LRCH3: variants seen among roughly 807,000 people sequenced by gnomAD.
LRCH3 encodes the protein leucine rich repeats and calponin homology domain containing 3, also known as DISP complex protein LRCH3.
In LRCH3, 68 loss-of-function variants were observed where a neutral mutation model predicts 104.5. That is an observed-to-expected ratio of 0.65 (90% CI 0.54 to 0.80). The LOEUF (loss-of-function observed/expected upper bound fraction) is 0.80. Among genes scored for constraint, LRCH3 ranks in the 30% least tolerant of loss-of-function variants. The pLI, the probability that LRCH3 is intolerant of heterozygous loss-of-function variation, is 0.00. For missense variants in LRCH3, 951 were observed against 953.9 expected (o/e 1.00, Z 0.04); for synonymous variants, 344 against 361.3 (o/e 0.95, Z 0.54).
At chr3:197,843,546 T>C (rs1044099908) in intron 10 of LRCH3, among the ~76,000 whole-genome samples, 3 of 152,110 alleles carry the variant, frequency 2.0e-5, no homozygotes, top group Non-Finnish European at 4.4e-5. Flanking sequence ...TAGTTGGGCG[T>C]GGTGGCATGC....
At chr3:197,858,797 T>C (rs781036480) in intron 14 of LRCH3, 37 bp from the exon 15 acceptor site, 27 of 1,538,758 alleles carry the variant, frequency 1.8e-5, no homozygotes, top group Non-Finnish European at 2.4e-5. Context: ...ACATAAATGC[T>C]GCCTTCTGTT....
Position 197,835,656 on chromosome 3 carries a change from T to C in LRCH3, c.1103-18T>C, listed in dbSNP as rs368019235. 250 of 1,603,728 alleles carry C rather than the reference T, an allele frequency of 1.6e-4. No individual in the cohort carries two copies. The highest frequency in any genetic ancestry group is 1.4e-4 in the Non-Finnish European group (162 of 1,173,918). On this transcript the variant is annotated intron_variant, in intron 8 of 20. Transcript: ENST00000425562. ...TCTGGTGTGTGTGTGTGTGTGGGTG[T>C]GTGTGTGGTGTATACAGTGGAACAT...
chr3:197,880,322 T>C (rs1043460123), intron 20 of LRCH3, among the ~76,000 whole-genome samples: 16 of 152,230 alleles, frequency 1.1e-4, no homozygotes, highest in African/African-American at 3.9e-4. Flanking sequence ...AAGATCAGGC[T>C]CAGCATGGAG....
chr3:197,794,624 C>CAGCATATATTGCCCATATTTATAA (rs1730983161), intron 1 of LRCH3, among the ~76,000 whole-genome samples: 1 of 152,210 alleles, frequency 6.6e-6, no homozygotes, highest in Non-Finnish European at 1.5e-5. Context: ...TCCTAGGGAA[C>CAGCATATATTGCCCATATTTATAA]AGCATATATT....
chr3:197,843,638 TG>T (rs763793466), intron 10 of LRCH3, among the ~76,000 whole-genome samples: 6 of 152,104 alleles, frequency 3.9e-5, no homozygotes, highest in Non-Finnish European at 7.4e-5. Flanking sequence ...GAGCTGAGAT[TG>T]TGCCCCTGCA....
At chr3:197,881,042 C>A in intron 20 of LRCH3, 1 of 1,152,562 alleles carries the variant, frequency 8.7e-7, no homozygotes, top group Non-Finnish European at 1.1e-6. Context: ...TCGAATATGA[C>A]ATGTAGAGCT....
At position 197,820,451 on chromosome 3, in the gene LRCH3, A is replaced by G. The variant is rs371788437; in HGVS notation, c.640+21A>G. The G allele has an allele frequency of 5.1e-6, 7 of 1,379,628 alleles. No homozygotes were observed. In the East Asian group the frequency reaches 1.6e-4, roughly 32 times the overall value. The allele number at this position is 1,379,628 out of a possible 1,614,324, so 85.5% of individuals were successfully genotyped here. A position where few individuals can be genotyped will look rare whatever the true frequency, so the allele number is the denominator to read the frequency against. On this transcript the variant is annotated intron_variant, in intron 4 of 20. Transcript: ENST00000425562. ...TGAAGGTAAGAAACTATGAAATAAG[A>G]AACCATGAAATAATTGTTTTATTAT... is the stretch of plus-strand genomic sequence containing the variant.
intron 20 of LRCH3, among the ~76,000 whole-genome samples, chr3:197,879,639 AT>A (rs1220405647): frequency 7.0e-6 from 1 of 143,138 alleles, no homozygotes; most frequent in Non-Finnish European, 1.5e-5. Flanking sequence ...AAATAAAAAA[AT>A]AAAATAAAAC....
At chr3:197,808,617 T>G (rs1580578706) in intron 1 of LRCH3, among the ~76,000 whole-genome samples, 1 of 152,306 alleles carries the variant, frequency 6.6e-6, no homozygotes, top group East Asian at 1.9e-4. Flanking sequence ...CTTTTAGTGA[T>G]TGGAAGATGT....
chr3:197,798,365 G>A (rs1731505531), intron 1 of LRCH3, among the ~76,000 whole-genome samples: 1 of 152,208 alleles, frequency 6.6e-6, no homozygotes, highest in Non-Finnish European at 1.5e-5. Flanking sequence ...AGGCAAATAA[G>A]AGTCATAGCT....
chr3:197,797,859 CAAAA>C (rs749696923), intron 1 of LRCH3, among the ~76,000 whole-genome samples: 4 of 23,204 alleles, frequency 1.7e-4, no homozygotes, highest in African/African-American at 2.4e-4. Flanking sequence ...GACTCCATCT[CAAAA>C]AAAAAAAAAA....
chr3:197,864,933 A>T (rs1297515754), intron 15 of LRCH3, among the ~76,000 whole-genome samples: 1 of 151,970 alleles, frequency 6.6e-6, no homozygotes, highest in Non-Finnish European at 1.5e-5. Context: ...AGGTAGAAGG[A>T]TCACCTGAGC....
chr3:197,869,554 G>A lies in LRCH3; in HGVS notation c.1874-606G>A, dbSNP rs185421839. On this transcript the variant is annotated intron_variant, in intron 17 of 20. Coordinates refer to ENST00000425562, the MANE Select transcript of LRCH3 (RefSeq NM_001365715.1). ...GTACCTGCAGGAGGTAGAAAGCGAT[G>A]CACTGTACCTGCAGGAGGTAGAAAG... is the stretch of plus-strand genomic sequence containing the variant. 1.9e-4 allele frequency among the ~76,000 whole-genome samples: 28 copies of A among 144,264 alleles called. No homozygotes were observed. The East Asian group carries it at 3.4e-3, about 18-fold the overall frequency. The allele number at this position is 144,264 out of a possible 152,430, so 94.6% of individuals were successfully genotyped here. A position where few individuals can be genotyped will look rare whatever the true frequency, so the allele number is the denominator to read the frequency against.
chr3:197,865,767 G>T (rs1490946487), intron 16 of LRCH3, among the ~76,000 whole-genome samples: 113 of 140,222 alleles, frequency 8.1e-4, no homozygotes, highest in African/African-American at 2.5e-3. Context: ...AAACCACTGG[G>T]TTTTTTTTTT....
chr3:197,873,359 G>A (rs1221811299), intron 19 of LRCH3, among the ~76,000 whole-genome samples: 1 of 152,086 alleles, frequency 6.6e-6, no homozygotes, highest in Non-Finnish European at 1.5e-5. Context: ...TGTGTTTCAG[G>A]GACCTGTCCT....
At chr3:197,812,956 C>A (rs1304336714) in intron 1 of LRCH3, among the ~76,000 whole-genome samples, 1 of 152,196 alleles carries the variant, frequency 6.6e-6, no homozygotes, top group African/African-American at 2.4e-5. Flanking sequence ...CTGCCATATT[C>A]TTTTCCACAG....
rs922833893 is a variant in LRCH3 at position 197,886,047 on chromosome 3, T to C, written c.*2381T>C. The C allele has an allele frequency of 3.3e-5, 5 of 151,918 alleles. No individual in the cohort carries two copies. Among genetic ancestry groups the C allele is most frequent in the African/African-American group, 1.2e-4 (5 of 41,314 alleles). The allele number at this position is 151,918 out of a possible 1,614,324, so 9.4% of individuals were successfully genotyped here. The stretch of plus-strand genomic sequence containing the variant: ...CATTACCACTTGACCAGGTTTAAAA[T>C]TGTATAACAGGCTGGGCATGGTGGC... On this transcript the variant is annotated 3_prime_UTR_variant, in exon 21 of 21. Transcript: ENST00000425562.
At chr3:197,819,383 T>G (rs1734228581) in intron 3 of LRCH3, among the ~76,000 whole-genome samples, 1 of 152,084 alleles carries the variant, frequency 6.6e-6, no homozygotes. Flanking sequence ...TTTCAACTTC[T>G]TTTAGAACCA....
intron 1 of LRCH3, among the ~76,000 whole-genome samples, chr3:197,803,797 C>T (rs1044456221): frequency 3.9e-5 from 6 of 152,170 alleles, no homozygotes; most frequent in South Asian, 2.1e-4. Context: ...GGCCTCATCT[C>T]GGAATAAGAA....
Sources: gnomAD v4.1 joint callset for allele counts (sites outside exome capture counted in the v4.1 genomes callset) on GRCh38, gnomAD v4.1.1 for gene constraint, MANE v1.5 for transcripts, NCBI Gene and HGNC (gene_info 2026-07-23, HGNC 2026-07-21) for gene names.